The following COL25A1 variants were observed in gnomAD, a reference collection of about 807,000 sequenced individuals.
COL25A1 encodes the protein collagen type XXV alpha 1 chain.
In COL25A1, 103 loss-of-function variants were observed where a neutral mutation model predicts 128.4. That is an observed-to-expected ratio of 0.80 (90% CI 0.68 to 0.94). The LOEUF is 0.94. COL25A1 is among the 40% of genes least tolerant of loss of function. The pLI, the probability that COL25A1 is intolerant of heterozygous loss-of-function variation, is 0.00. For missense variants in COL25A1, 745 were observed against 840.0 expected (o/e 0.89, Z 1.40); for synonymous variants, 279 against 277.2 (o/e 1.01, Z -0.06).
chr4:108,892,341 T>G (rs973337883), intron 16 of COL25A1, among the ~76,000 whole-genome samples: 24 of 152,236 alleles, frequency 1.6e-4, no homozygotes, highest in Non-Finnish European at 3.5e-4. Context: ...ACAGTTTCCA[T>G]TTTTGTTTGT....
chr4:108,881,074 C>T (rs189016550), intron 19 of COL25A1, among the ~76,000 whole-genome samples: 406 of 152,218 alleles, frequency 2.7e-3, no homozygotes, highest in Non-Finnish European at 4.6e-3. Flanking sequence ...CATGAATGCA[C>T]GAAATAGGAA....
rs376057855 is a variant in COL25A1 at position 108,853,684 on chromosome 4, A to G, written c.1321-759T>C. 5.3e-4 allele frequency among the ~76,000 whole-genome samples: 80 copies of G among 149,802 alleles called. No homozygotes were observed. The South Asian group carries it at 0.017, about 31-fold the overall frequency. On this transcript the variant is annotated intron_variant, in intron 24 of 37. Coordinates refer to ENST00000399132, the MANE Select transcript of COL25A1 (RefSeq NM_198721.4). ...CTCCCCTTGCCCCCCACCCCCTGAC[A>G]GGCCCTGGTGTGTGATGTTCCCCTC...
At chr4:109,035,002 G>C (rs542752619) in intron 5 of COL25A1, among the ~76,000 whole-genome samples, 1 of 152,298 alleles carries the variant, frequency 6.6e-6, no homozygotes, top group African/African-American at 2.4e-5. Flanking sequence ...TAGTTTAAAA[G>C]TAAGAAGTTT....
chr4:108,907,903 C>T (rs1743722798), intron 13 of COL25A1, among the ~76,000 whole-genome samples: 1 of 152,120 alleles, frequency 6.6e-6, no homozygotes, highest in Non-Finnish European at 1.5e-5. Context: ...CCAGTTCTGA[C>T]AAAGAACAAT....
intron 8 of COL25A1, among the ~76,000 whole-genome samples, chr4:108,953,495 C>T (rs1219519597): frequency 1.3e-5 from 2 of 152,020 alleles, no homozygotes; most frequent in Non-Finnish European, 2.9e-5. Context: ...ATGGAGTAAA[C>T]TGAAATGACT....
chr4:109,132,814 T>G (rs548340166), intron 3 of COL25A1, among the ~76,000 whole-genome samples: 37 of 152,242 alleles, frequency 2.4e-4, no homozygotes, highest in Admixed American at 2.1e-3. Context: ...ACCTTCTAGA[T>G]TTCCATATTA....
At chr4:108,879,737 G>A (rs1193055676) in intron 19 of COL25A1, among the ~76,000 whole-genome samples, 6 of 151,830 alleles carry the variant, frequency 4.0e-5, no homozygotes, top group South Asian at 2.1e-4. Flanking sequence ...GTGAGCCACC[G>A]TGCCCGGCCT....
intron 3 of COL25A1, among the ~76,000 whole-genome samples, chr4:109,124,562 T>A (rs1055118727): frequency 6.6e-6 from 1 of 152,034 alleles, no homozygotes; most frequent in South Asian, 2.1e-4. Flanking sequence ...CAGCTTCTAA[T>A]CTTTCATTGC....
chr4:108,935,627 GA>G (rs576324513), intron 11 of COL25A1, among the ~76,000 whole-genome samples: 5 of 147,432 alleles, frequency 3.4e-5, no homozygotes, highest in African/African-American at 1.2e-4. Context: ...AAAGTTTGTA[GA>G]AAAAAAAAAC....
At chr4:109,093,135 A>T (rs184240850) in intron 3 of COL25A1, among the ~76,000 whole-genome samples, 1 of 152,176 alleles carries the variant, frequency 6.6e-6, no homozygotes, top group Non-Finnish European at 1.5e-5. Context: ...TCTTCCAAGC[A>T]CATGTGCAGT....
At position 108,812,802 on chromosome 4, in the gene COL25A1, C is replaced by A. The variant is rs1730904047; in HGVS notation, c.*1125G>T. The A allele has an allele frequency of 6.6e-6, 1 of 152,132 alleles. No individual in the cohort carries two copies. The highest frequency in any genetic ancestry group is 2.1e-4 in the South Asian group (1 of 4,820). The allele number at this position is 152,132 out of a possible 1,614,324, so 9.4% of individuals were successfully genotyped here. The stretch of plus-strand genomic sequence containing the variant: ...TTGGCACAGATTGTCCCAGTAAGCT[C>A]TCCTATATCATCGGGAGAGGCGATT... On this transcript the variant is annotated 3_prime_UTR_variant, in exon 38 of 38. Coordinates refer to ENST00000399132, the MANE Select transcript of COL25A1 (RefSeq NM_198721.4).
intron 3 of COL25A1, among the ~76,000 whole-genome samples, chr4:109,129,117 C>A (rs1193463225): frequency 2.0e-5 from 3 of 152,046 alleles, no homozygotes; most frequent in Admixed American, 2.0e-4. Context: ...TTAGTTGGAC[C>A]TTATTTTGTC....
At chr4:109,082,848 C>T (rs1480485617) in intron 3 of COL25A1, among the ~76,000 whole-genome samples, 1 of 152,024 alleles carries the variant, frequency 6.6e-6, no homozygotes, top group Non-Finnish European at 1.5e-5. Context: ...GTTTGTTGTA[C>T]AGATTATTTC....
chr4:108,879,472 G>C (rs1466492872), intron 19 of COL25A1, among the ~76,000 whole-genome samples: 1 of 152,080 alleles, frequency 6.6e-6, no homozygotes, highest in Non-Finnish European at 1.5e-5. Context: ...TCTTGAGATG[G>C]AGTCTCACTC....
At chr4:109,079,998 G>A (rs1282929520) in intron 3 of COL25A1, among the ~76,000 whole-genome samples, 4 of 152,032 alleles carry the variant, frequency 2.6e-5, no homozygotes, top group Admixed American at 2.6e-4. Context: ...TATCAGTTGA[G>A]TGCTTTACTC....
chr4:109,033,141 T>C (rs1759025734), intron 5 of COL25A1, among the ~76,000 whole-genome samples: 1 of 152,078 alleles, frequency 6.6e-6, no homozygotes, highest in African/African-American at 2.4e-5. Context: ...TTTTGTTTCA[T>C]TGAAAGGAAA....
Position 109,254,505 on chromosome 4 carries a change from A to ATATGTG in COL25A1, c.367+46077_367+46078insCACATA, listed in dbSNP as rs1383703429. Among the ~76,000 whole-genome samples, 206 of 105,000 alleles carry ATATGTG rather than the reference A, an allele frequency of 2.0e-3. 5 individuals carry two copies. Among genetic ancestry groups the ATATGTG allele is most frequent in the South Asian group, 6.2e-3 (22 of 3,534 alleles). The allele number at this position is 105,000 out of a possible 152,430, so 68.9% of individuals were successfully genotyped here. A position where few individuals can be genotyped will look rare whatever the true frequency, so the allele number is the denominator to read the frequency against. On this transcript the variant is annotated intron_variant, in intron 3 of 37. Coordinates refer to ENST00000399132, the MANE Select transcript of COL25A1 (RefSeq NM_198721.4). ...TATATATATATATATATATATATAT[A>ATATGTG]TGTATGTGTGTATATACATATACAT...
At chr4:108,974,470 C>A in intron 7 of COL25A1, 63 bp downstream of exon 7, 1 of 1,604,924 alleles carries the variant, frequency 6.2e-7, no homozygotes. Context: ...CAAAATGTAA[C>A]ACAGTATAGG....
chr4:109,129,818 C>T (rs571401650), intron 3 of COL25A1, among the ~76,000 whole-genome samples: 1 of 152,128 alleles, frequency 6.6e-6, no homozygotes, highest in Admixed American at 6.5e-5. Flanking sequence ...GTTTAATAAG[C>T]CCTTGAAGGA....
Sources: gnomAD v4.1 joint callset for allele counts (sites outside exome capture counted in the v4.1 genomes callset) on GRCh38, gnomAD v4.1.1 for gene constraint, MANE v1.5 for transcripts, NCBI Gene and HGNC (gene_info 2026-07-23, HGNC 2026-07-21) for gene names.